The following RNF111 variants were observed in gnomAD, a reference collection of about 807,000 sequenced individuals.
RNF111 encodes the protein ring finger protein 111.
In RNF111, 17 loss-of-function variants were observed where a neutral mutation model predicts 95.1. The observed-to-expected ratio is 0.18, with a 90% CI of 0.12 to 0.27. RNF111 has a LOEUF of 0.27. Among genes scored for constraint, RNF111 ranks in the 10% least tolerant of loss-of-function variants. RNF111 has a pLI of 1.00. For synonymous variants in RNF111, 440 were observed against 414.8 expected (o/e 1.06, Z -0.74); for missense variants, 1,189 against 1,210.4 (o/e 0.98, Z 0.26).
At chr15:59,080,804 A>G in intron 7 of RNF111, 132 bp from the exon 8 acceptor site, 1 of 704,592 alleles carries the variant, frequency 1.4e-6, no homozygotes. Flanking sequence ...AGTTGCTTGA[A>G]TACTTTACTT....
chr15:59,075,874 T>C (rs1166250834), intron 6 of RNF111, 80 bp from the exon 7 acceptor site: 2 of 1,442,420 alleles, frequency 1.4e-6, no homozygotes, highest in Non-Finnish European at 1.9e-6. Context: ...TTTTTGGTTA[T>C]ATTAGGAATA....
At chr15:59,084,051 AT>A (rs549824380) in intron 8 of RNF111, 77 bp from the exon 9 acceptor site, 5 of 1,368,010 alleles carry the variant, frequency 3.7e-6, no homozygotes, top group African/African-American at 1.5e-5. Flanking sequence ...AATACTAGGG[AT>A]TTTTTTCTAC....
chr15:59,021,594 T>C (rs1407775452), intron 1 of RNF111, among the ~76,000 whole-genome samples: 2 of 152,192 alleles, frequency 1.3e-5, no homozygotes, highest in South Asian at 4.1e-4. Flanking sequence ...TTAGGTACTC[T>C]CATTTAACCG....
At chr15:59,003,725 C>T (rs1183312806) in intron 1 of RNF111, among the ~76,000 whole-genome samples, 1 of 152,154 alleles carries the variant, frequency 6.6e-6, no homozygotes, top group Non-Finnish European at 1.5e-5. Flanking sequence ...GCACGTGTTT[C>T]GCTCTAAAAT....
chr15:59,055,085 G>T (rs1207466449), intron 3 of RNF111, among the ~76,000 whole-genome samples: 3 of 152,178 alleles, frequency 2.0e-5, no homozygotes, highest in African/African-American at 7.2e-5. Context: ...TCACAGTCAC[G>T]TGTTTTAGAA....
intron 2 of RNF111, among the ~76,000 whole-genome samples, chr15:59,033,861 CAG>C (rs1265015032): frequency 6.6e-6 from 1 of 151,816 alleles, no homozygotes; most frequent in Admixed American, 6.6e-5. Context: ...ACATGAGAAA[CAG>C]AAATCCAAAA....
At chr15:59,075,873 A>T in intron 6 of RNF111, 81 bp from the exon 7 acceptor site, 9 of 1,426,936 alleles carry the variant, frequency 6.3e-6, no homozygotes, top group Admixed American at 6.2e-5. Flanking sequence ...TTTTTTGGTT[A>T]TATTAGGAAT....
At chr15:59,029,062 G>A (rs936159103) in intron 1 of RNF111, among the ~76,000 whole-genome samples, 12 of 152,122 alleles carry the variant, frequency 7.9e-5, no homozygotes, top group African/African-American at 2.7e-4. Context: ...TTACAGACAT[G>A]AGCCACCGCG....
chr15:59,039,647 A>G (rs1455895092), intron 2 of RNF111, among the ~76,000 whole-genome samples: 1 of 152,008 alleles, frequency 6.6e-6, no homozygotes. Context: ...CCTCTCTGGT[A>G]TATCAAGTTG....
chr15:59,012,207 C>T (rs868807474), intron 1 of RNF111, among the ~76,000 whole-genome samples: 1 of 151,640 alleles, frequency 6.6e-6, no homozygotes, highest in Non-Finnish European at 1.5e-5. Flanking sequence ...TTAGTAGAGA[C>T]ACAGTTTCAC....
chr15:58,991,601 T>C (rs2038820715), intron 1 of RNF111, among the ~76,000 whole-genome samples: 1 of 152,130 alleles, frequency 6.6e-6, no homozygotes, highest in Admixed American at 6.6e-5. Context: ...AGGTGGTAAT[T>C]TGACCTGTGA....
Position 58,992,856 on chromosome 15 carries a change from T to A in RNF111, c.-20+4788T>A, listed in dbSNP as rs193160495. ...GTAAATGAAATAAAATAAAATAATA[T>A]ATTTTTGAAAACGTTCATTCATGTT... On this transcript the variant is annotated intron_variant, in intron 1 of 13. Transcript: ENST00000348370. Among the ~76,000 whole-genome samples, 147 of 152,004 alleles carry A rather than the reference T, an allele frequency of 9.7e-4. 3 individuals are homozygous for A. The highest frequency in any genetic ancestry group is 6.8e-3 in the Middle Eastern group (2 of 294).
chr15:59,026,225 G>A (rs1226974074), intron 1 of RNF111, among the ~76,000 whole-genome samples: 2 of 151,984 alleles, frequency 1.3e-5, no homozygotes, highest in African/African-American at 4.8e-5. Context: ...TCCTCCTTTT[G>A]CTCACATAAA....
At chr15:59,065,637 A>C (rs1180354497) in intron 5 of RNF111, among the ~76,000 whole-genome samples, 2 of 152,194 alleles carry the variant, frequency 1.3e-5, no homozygotes, top group African/African-American at 4.8e-5. Flanking sequence ...TTTAAAGCAC[A>C]TTTTATTTTC....
intron 13 of RNF111, chr15:59,093,337 CTT>C (rs1236130195): frequency 0.033 from 8,659 of 259,190 alleles, no homozygotes; most frequent in Middle Eastern, 0.045. Context: ...TTTACAGCAT[CTT>C]TTTTTTTTTT....
chr15:59,028,576 G>A (rs1183202784), intron 1 of RNF111, among the ~76,000 whole-genome samples: 3 of 152,102 alleles, frequency 2.0e-5, no homozygotes, highest in Non-Finnish European at 2.9e-5. Context: ...AGGGACTACC[G>A]TACTTCATTT....
chr15:59,008,684 T>C (rs1389329161), intron 1 of RNF111, among the ~76,000 whole-genome samples: 1 of 152,226 alleles, frequency 6.6e-6, no homozygotes, highest in Non-Finnish European at 1.5e-5. Context: ...GTTTGCTGTT[T>C]GTTTTCTGTT....
At chr15:59,053,863 T>C (rs183379608) in intron 3 of RNF111, among the ~76,000 whole-genome samples, 139 of 126,678 alleles carry the variant, frequency 1.1e-3, no homozygotes, top group Admixed American at 3.7e-3. Context: ...CCCATTGTTA[T>C]ATCTCTTATT....
intron 1 of RNF111, among the ~76,000 whole-genome samples, chr15:59,007,555 C>G (rs1162197171): frequency 2.0e-5 from 3 of 152,106 alleles, no homozygotes; most frequent in Non-Finnish European, 2.9e-5. Context: ...TTCACGTTTT[C>G]CAACTTAGGC....
Sources: gnomAD v4.1 joint callset for allele counts (sites outside exome capture counted in the v4.1 genomes callset) on GRCh38, gnomAD v4.1.1 for gene constraint, MANE v1.5 for transcripts, NCBI Gene and HGNC (gene_info 2026-07-23, HGNC 2026-07-21) for gene names.